TNFSF13B: variants seen among roughly 807,000 people sequenced by gnomAD.
The protein encoded by TNFSF13B is TNF superfamily member 13b.
TNFSF13B carries 8 observed loss-of-function variants against 29.1 expected under a neutral mutation model. The ratio of observed to expected loss-of-function variants is 0.27; its 90% confidence interval spans 0.16 to 0.50. TNFSF13B has a LOEUF of 0.50. Among genes scored for constraint, TNFSF13B ranks in the 20% least tolerant of loss-of-function variants. TNFSF13B has a pLI of 0.98. For missense variants in TNFSF13B, 248 were observed against 334.9 expected (o/e 0.74, Z 2.03); for synonymous variants, 125 against 130.8 (o/e 0.96, Z 0.30).
chr13:108,280,560 C>T (rs147484098), intron 2 of TNFSF13B, among the ~76,000 whole-genome samples: 220 of 152,154 alleles, frequency 1.4e-3, no homozygotes, highest in African/African-American at 4.8e-3. Context: ...ATATTCAGTG[C>T]GTTCCAAGAA....
At chr13:108,282,851 C>A (rs1375041230) in intron 2 of TNFSF13B, among the ~76,000 whole-genome samples, 1 of 151,964 alleles carries the variant, frequency 6.6e-6, no homozygotes, top group Non-Finnish European at 1.5e-5. Context: ...AAAGAAAAAA[C>A]AATAACAAAC....
chr13:108,288,084 G>GC (rs1881195269), intron 3 of TNFSF13B, among the ~76,000 whole-genome samples: 1 of 152,090 alleles, frequency 6.6e-6, no homozygotes, highest in African/African-American at 2.4e-5. Flanking sequence ...GTTTCATCCA[G>GC]TTTTTCACAA....
At chr13:108,278,978 CT>C (rs1273072752) in intron 2 of TNFSF13B, among the ~76,000 whole-genome samples, 1 of 152,156 alleles carries the variant, frequency 6.6e-6, no homozygotes, top group African/African-American at 2.4e-5. Flanking sequence ...TTAAGGTTTT[CT>C]CTTGAGGAAA....
At chr13:108,287,971 T>A (rs954423042) in intron 3 of TNFSF13B, among the ~76,000 whole-genome samples, 5 of 152,190 alleles carry the variant, frequency 3.3e-5, no homozygotes, top group Non-Finnish European at 7.3e-5. Context: ...GTCGTATAAG[T>A]TTGGAAACAC....
intron 5 of TNFSF13B, among the ~76,000 whole-genome samples, chr13:108,304,312 G>C (rs1473415007): frequency 6.6e-6 from 1 of 152,118 alleles, no homozygotes. Context: ...TGAGGGTAAG[G>C]GAAAGTTGTA....
rs1339896780 is a variant in TNFSF13B, at chr13:108,307,261, A to G, written c.*323A>G. The G allele has an allele frequency of 9.7e-6, 2 of 205,946 alleles. No homozygotes were observed. The highest frequency in any genetic ancestry group is 1.9e-5 in the Non-Finnish European group (2 of 103,974). The allele number at this position is 205,946 out of a possible 1,614,324, so 12.8% of individuals were successfully genotyped here. ...CTTCTTATCTTGGAGGAAGGACACA[A>G]TTCAAAGGGGCAGTAAGGATTTTGT... On this transcript the variant is annotated 3_prime_UTR_variant, in exon 6 of 6. Coordinates refer to ENST00000375887, the MANE Select transcript of TNFSF13B (RefSeq NM_006573.5).
intron 2 of TNFSF13B, among the ~76,000 whole-genome samples, chr13:108,278,191 T>G (rs987881894): frequency 1.3e-5 from 2 of 152,100 alleles, no homozygotes; most frequent in East Asian, 3.9e-4. Context: ...TGCCACCAGA[T>G]TTGAGAAAAA....
intron 2 of TNFSF13B, among the ~76,000 whole-genome samples, chr13:108,276,341 A>G (rs980135056): frequency 2.5e-4 from 38 of 152,340 alleles, no homozygotes; most frequent in African/African-American, 8.9e-4. Flanking sequence ...ACTTTTCTTC[A>G]GTGTTGCAAG....
chr13:108,278,955 CA>C (rs1300816550), intron 2 of TNFSF13B, among the ~76,000 whole-genome samples: 1 of 152,076 alleles, frequency 6.6e-6, no homozygotes, highest in Non-Finnish European at 1.5e-5. Context: ...GATAGAGATT[CA>C]AAAATGTATT....
chr13:108,282,396 T>C (rs1880983066), intron 2 of TNFSF13B, among the ~76,000 whole-genome samples: 1 of 152,166 alleles, frequency 6.6e-6, no homozygotes, highest in South Asian at 2.1e-4. Flanking sequence ...GTACAGAAAA[T>C]AGTATAACAG....
chr13:108,269,948 A>G lies in TNFSF13B; in HGVS notation c.53A>G (p.Lys18Arg). 1 of 1,613,670 alleles carries G rather than the reference A, an allele frequency of 6.2e-7. No homozygotes were observed. Among genetic ancestry groups the G allele is most frequent in the Non-Finnish European group, 8.5e-7 (1 of 1,179,966 alleles). ...EQSRLTSCLKKREEMKLKECV... is the reference protein window; with the variant it reads ...EQSRLTSCLKRREEMKLKECV... ...TCACGCCTTACTTCTTGCCTTAAGA[A>G]AAGAGAAGAAATGAAACTGAAGGAG... Residue 18 changes from lysine (K) to arginine (R), a missense_variant, in exon 1 of 6, where the codon AAA (lysine) becomes AGA (arginine). Lys to Arg is a conservative substitution (Grantham distance 26). This residue lies in a region of TNFSF13B where 186 missense variants were observed against 196.3 expected (regional missense o/e 0.95). Transcript: ENST00000375887.
chr13:108,277,824 G>GT (rs1880802800), intron 2 of TNFSF13B, among the ~76,000 whole-genome samples: 1 of 152,146 alleles, frequency 6.6e-6, no homozygotes, highest in African/African-American at 2.4e-5. Flanking sequence ...CGCCATCTTG[G>GT]TTTTGGTGGG....
At chr13:108,276,712 A>T (rs151165645) in intron 2 of TNFSF13B, among the ~76,000 whole-genome samples, 14 of 152,194 alleles carry the variant, frequency 9.2e-5, no homozygotes, top group African/African-American at 3.4e-4. Flanking sequence ...GGCCAGGTTC[A>T]TTAAGCCTTT....
intron 2 of TNFSF13B, among the ~76,000 whole-genome samples, chr13:108,284,213 C>T (rs1881047422): frequency 1.3e-5 from 2 of 152,168 alleles, no homozygotes; most frequent in South Asian, 4.1e-4. Context: ...CCTGTAGTCC[C>T]AGCTACTCGG....
chr13:108,297,347 G>A (rs1374863111), intron 3 of TNFSF13B, among the ~76,000 whole-genome samples: 3 of 145,130 alleles, frequency 2.1e-5, no homozygotes, highest in African/African-American at 7.8e-5. Flanking sequence ...TTGATGAATT[G>A]CCTCTCTTTC....
rs1262737605 is a variant in TNFSF13B at position 108,283,728 on chromosome 13, A to G, written c.425-3075A>G. Among the ~76,000 whole-genome samples the G allele has an allele frequency of 2.0e-5, 3 of 152,342 alleles. No individual in the cohort carries two copies. In the East Asian group the frequency reaches 5.8e-4, roughly 29 times the overall value. ...TCCCAGTTCAGGGGGCCGGAAGTCCAAGACCAAGATGCCTAAAGATTTCGG... is the reference window on the plus strand; with the variant it reads ...TCCCAGTTCAGGGGGCCGGAAGTCCGAGACCAAGATGCCTAAAGATTTCGG... On this transcript the variant is annotated intron_variant, in intron 2 of 5. Transcript: ENST00000375887.
rs1267050444 is a variant in TNFSF13B, at chr13:108,298,798, C to T, written c.482-4455C>T. On this transcript the variant is annotated intron_variant, in intron 3 of 5. Transcript: ENST00000375887. ...ACCAGCCTGGCCAATATGGTGAAACCCCTCTCTACTAAAAATACAAAACTT... is the reference window on the plus strand; with the variant it reads ...ACCAGCCTGGCCAATATGGTGAAACTCCTCTCTACTAAAAATACAAAACTT... Among the ~76,000 whole-genome samples, 5 of 144,674 alleles carry T rather than the reference C, an allele frequency of 3.5e-5. 1 individual carries two copies. Among genetic ancestry groups the T allele is most frequent in the African/African-American group, 5.2e-5 (2 of 38,290 alleles). 94.9% of individuals were successfully genotyped at this position (144,674 alleles called of 152,430 possible).
chr13:108,292,389 G>T (rs1168219607), intron 3 of TNFSF13B, among the ~76,000 whole-genome samples: 1 of 152,020 alleles, frequency 6.6e-6, no homozygotes, highest in East Asian at 1.9e-4. Context: ...TCCACCTTTT[G>T]GCTATTGTGA....
chr13:108,282,861 CAT>C (rs1491218982), intron 2 of TNFSF13B, among the ~76,000 whole-genome samples: 1 of 151,880 alleles, frequency 6.6e-6, no homozygotes, highest in East Asian at 1.9e-4. Context: ...CAATAACAAA[CAT>C]AAAAAAAACT....
Sources: gnomAD v4.1 joint callset for allele counts (sites outside exome capture counted in the v4.1 genomes callset) on GRCh38, gnomAD v4.1.1 for gene constraint, gnomAD v4.1.1 regional missense constraint, MANE v1.5 for transcripts, NCBI Gene and HGNC (gene_info 2026-07-23, HGNC 2026-07-21) for gene names.